MORN5: variants seen among roughly 807,000 people sequenced by gnomAD.
MORN5 encodes the protein MORN repeat containing 5, also known as MORN repeat-containing protein 5.
MORN5 carries 21 observed loss-of-function variants against 22.1 expected under a neutral mutation model. That is an observed-to-expected ratio of 0.95 (90% CI 0.67 to 1.37). The LOEUF is 1.37. Among genes scored for constraint, MORN5 ranks in the 40% most tolerant of loss-of-function variants. MORN5 has a pLI of 0.00. For missense variants in MORN5, 211 were observed against 215.1 expected (o/e 0.98, Z 0.12); for synonymous variants, 73 against 74.0 (o/e 0.99, Z 0.07).
rs371280936 is a variant in MORN5, at chr9:122,177,917, C to A, written c.439+3290C>A. Among the ~76,000 whole-genome samples the A allele has an allele frequency of 1.8e-3, 269 of 152,328 alleles. 2 individuals carry two copies. The highest frequency in any genetic ancestry group is 6.1e-3 in the African/African-American group (255 of 41,574). The stretch of plus-strand genomic sequence containing the variant: ...TCTCCCACAGAGGGGAGATAGGAAG[C>A]CCCAACAGACACTGCACCCATCTTT... On this transcript the variant is annotated intron_variant, in intron 4 of 4. Coordinates refer to ENST00000373764, the MANE Select transcript of MORN5 (RefSeq NM_198469.4).
intron 2 of MORN5, 90 bp downstream of exon 2, chr9:122,167,005 GC>G: frequency 7.7e-7 from 1 of 1,301,770 alleles, no homozygotes; most frequent in Non-Finnish European, 1.1e-6. Flanking sequence ...CCTGTCTGGT[GC>G]CCACCTTGTT....
At chr9:122,174,378 A>T in intron 3 of MORN5, 118 bp from the exon 4 acceptor site, 2 of 1,163,558 alleles carry the variant, frequency 1.7e-6, no homozygotes, top group Non-Finnish European at 2.4e-6. Context: ...GGGGGTATTT[A>T]GTTCAACAGG....
Position 122,200,034 on chromosome 9 carries a change from G to C in MORN5, c.*103G>C, listed in dbSNP as rs1197301846. The C allele has an allele frequency of 2.6e-6, 3 of 1,138,636 alleles. No individual in the cohort carries two copies. The East Asian group carries it at 7.1e-5, about 27-fold the overall frequency. The allele number at this position is 1,138,636 out of a possible 1,614,324, so 70.5% of individuals were successfully genotyped here. A position where few individuals can be genotyped will look rare whatever the true frequency, so the allele number is the denominator to read the frequency against. Reference sequence around the variant, plus strand: ...CATTGGCTGCCCTGGGGGACGGGCTGTAGTTCTAGAACCTGATTTTAACTC... The same window carrying C: ...CATTGGCTGCCCTGGGGGACGGGCTCTAGTTCTAGAACCTGATTTTAACTC... On this transcript the variant is annotated 3_prime_UTR_variant, in exon 5 of 5. Transcript: ENST00000373764.
Position 122,169,625 on chromosome 9 carries a change from G to A in MORN5, c.196-20G>A, listed in dbSNP as rs745632795. ...GCCTTCAGCTTCCTCAGATGCACGT[G>A]TGTGCTCCTTGTCTTCCAGGGCACA... On this transcript the variant is annotated intron_variant, in intron 2 of 4. Transcript: ENST00000373764. 6 of 1,570,502 alleles carry A rather than the reference G, an allele frequency of 3.8e-6. No individual in the cohort carries two copies. The Admixed American group carries it at 6.7e-5, about 17-fold the overall frequency.
intron 2 of MORN5, among the ~76,000 whole-genome samples, chr9:122,167,363 T>C (rs1023136800): frequency 1.4e-5 from 2 of 146,560 alleles, no homozygotes; most frequent in African/African-American, 5.0e-5. Flanking sequence ...CTTTTTTTTT[T>C]TTTTTTTTTT....
chr9:122,195,968 A>ATATTTATTTATTTATTTATTTATTTATT (rs55879917), intron 4 of MORN5, among the ~76,000 whole-genome samples: 80 of 147,592 alleles, frequency 5.4e-4, no homozygotes, highest in South Asian at 8.6e-4. Context: ...ATTTTGTTTT[A>ATATTTATTTATTTATTTATTTATTTATT]TATTTATTTA....
chr9:122,169,353 T>C (rs1227645621), intron 2 of MORN5, among the ~76,000 whole-genome samples: 1 of 152,180 alleles, frequency 6.6e-6, no homozygotes, highest in Non-Finnish European at 1.5e-5. Flanking sequence ...TCAACCCTAT[T>C]TTATGTACAC....
At chr9:122,195,389 C>T (rs555974454) in intron 4 of MORN5, among the ~76,000 whole-genome samples, 5 of 152,282 alleles carry the variant, frequency 3.3e-5, no homozygotes, top group African/African-American at 1.2e-4. Context: ...GATGCCTTTT[C>T]CTAATGTCCA....
chr9:122,173,632 C>A (rs1368521412), intron 3 of MORN5, among the ~76,000 whole-genome samples: 3 of 152,094 alleles, frequency 2.0e-5, no homozygotes, highest in Admixed American at 1.3e-4. Context: ...TTTATTCCAA[C>A]CTCTCCCTTT....
chr9:122,179,844 A>G (rs550042487), intron 4 of MORN5, among the ~76,000 whole-genome samples: 54 of 152,058 alleles, frequency 3.6e-4, no homozygotes, highest in African/African-American at 1.2e-3. Flanking sequence ...CTGCATTCCA[A>G]TCTACCCCCA....
intron 1 of MORN5, among the ~76,000 whole-genome samples, chr9:122,162,415 C>T (rs1041152560): frequency 1.3e-5 from 2 of 152,172 alleles, no homozygotes; most frequent in Non-Finnish European, 2.9e-5. Context: ...AATGGTACGA[C>T]TGCTTTGGAA....
intron 4 of MORN5, among the ~76,000 whole-genome samples, chr9:122,186,353 C>T (rs903883145): frequency 6.6e-6 from 1 of 152,180 alleles, no homozygotes; most frequent in Non-Finnish European, 1.5e-5. Flanking sequence ...AGAGGCCATG[C>T]TCTGAACTGA....
chr9:122,166,997 T>G, intron 2 of MORN5, 82 bp downstream of exon 2: 1 of 1,343,810 alleles, frequency 7.4e-7, no homozygotes. Flanking sequence ...CCATCCTCCC[T>G]GTCTGGTGCC....
intron 1 of MORN5, among the ~76,000 whole-genome samples, chr9:122,161,350 G>T (rs995415731): frequency 2.0e-5 from 3 of 152,172 alleles, no homozygotes; most frequent in African/African-American, 7.2e-5. Context: ...CATCAATTTT[G>T]CAAGGAAGAT....
chr9:122,171,153 T>C (rs951025839), intron 3 of MORN5, among the ~76,000 whole-genome samples: 1 of 152,194 alleles, frequency 6.6e-6, no homozygotes, highest in Non-Finnish European at 1.5e-5. Context: ...CCAGAAATTG[T>C]GGGTTTGAGT....
chr9:122,178,180 C>A (rs1829482289), intron 4 of MORN5, among the ~76,000 whole-genome samples: 2 of 152,172 alleles, frequency 1.3e-5, no homozygotes, highest in Non-Finnish European at 2.9e-5. Flanking sequence ...GGCAACACAG[C>A]AAGACCTTAT....
chr9:122,181,434 A>C (rs1242483639), intron 4 of MORN5, among the ~76,000 whole-genome samples: 1 of 152,192 alleles, frequency 6.6e-6, no homozygotes, highest in African/African-American at 2.4e-5. Flanking sequence ...CTGGAACTCA[A>C]ACCCACTCCC....
At chr9:122,179,087 G>A (rs920418845) in intron 4 of MORN5, among the ~76,000 whole-genome samples, 8 of 152,146 alleles carry the variant, frequency 5.3e-5, no homozygotes, top group Admixed American at 3.9e-4. Flanking sequence ...AAGAACAGAC[G>A]AATGCAGCAG....
rs371487405 is a variant in MORN5 at position 122,199,570 on chromosome 9, C to T, written c.440-315C>T. Among the ~76,000 whole-genome samples the T allele has an allele frequency of 2.2e-4, 34 of 152,274 alleles. No homozygotes were observed. In the South Asian group the frequency reaches 6.4e-3, roughly 29 times the overall value. On this transcript the variant is annotated intron_variant, in intron 4 of 4. Transcript: ENST00000373764. ...GGGCTGTCGTGCGTGGGCTGTCAGA[C>T]CAGGCAAGTGCCCGACTGTGAAGCA... is the stretch of plus-strand genomic sequence containing the variant.
Sources: gnomAD v4.1 joint callset for allele counts (sites outside exome capture counted in the v4.1 genomes callset) on GRCh38, gnomAD v4.1.1 for gene constraint, MANE v1.5 for transcripts, NCBI Gene and HGNC (gene_info 2026-07-23, HGNC 2026-07-21) for gene names.